The following SHANK2 variants were observed in gnomAD, a reference collection of about 807,000 sequenced individuals.
SHANK2 encodes the protein SH3 and multiple ankyrin repeat domains 2.
A neutral mutation model predicts 133.7 loss-of-function variants in SHANK2; 43 were observed. The ratio of observed to expected loss-of-function variants is 0.32; its 90% CI spans 0.25 to 0.41. The LOEUF (loss-of-function observed/expected upper bound fraction) is 0.41. Ranked by LOEUF, SHANK2 falls within the 10% of genes least tolerant of loss-of-function variation. The pLI, the probability that SHANK2 is intolerant of heterozygous loss-of-function variation, is 1.00. For synonymous variants in SHANK2, 1,017 were observed against 952.8 expected (o/e 1.07, Z -1.24); for missense variants, 1,994 against 2,235.8 (o/e 0.89, Z 2.18).
At position 70,829,276 on chromosome 11, in the gene SHANK2, C is replaced by T. The variant is rs539474156; in HGVS notation, c.1175-8594G>A. 1.1e-4 allele frequency among the ~76,000 whole-genome samples: 16 copies of T among 152,302 alleles called. No homozygotes were observed. In the South Asian group the frequency reaches 2.5e-3, roughly 24 times the overall value. ...CAGAGAAAAACCCAGAACCTCTGGA[C>T]GGGAGCCACGCAGCAGCACTCACAG... On this transcript the variant is annotated intron_variant, in intron 11 of 25. Transcript: ENST00000601538.
chr11:71,151,751 C>T (rs12289383), intron 2 of SHANK2, among the ~76,000 whole-genome samples: 47,963 of 152,098 alleles, frequency 0.32, 9,064 homozygotes, highest in African/African-American at 0.52. Context: ...TGGTTCTGCC[C>T]CAGCTCAGGT....
chr11:71,237,998 G>A (rs1228224214), intron 1 of SHANK2, among the ~76,000 whole-genome samples: 2 of 152,218 alleles, frequency 1.3e-5, no homozygotes, highest in Admixed American at 1.3e-4. Flanking sequence ...GTGACACACA[G>A]ACTCACCTCT....
chr11:70,562,160 C>T (rs2059914876), intron 17 of SHANK2, among the ~76,000 whole-genome samples: 1 of 152,212 alleles, frequency 6.6e-6, no homozygotes, highest in South Asian at 2.1e-4. Context: ...TTAGAGCTCA[C>T]ATCTGTATGA....
At chr11:70,573,999 C>T (rs1554983728) in intron 17 of SHANK2, among the ~76,000 whole-genome samples, 2 of 152,192 alleles carry the variant, frequency 1.3e-5, no homozygotes, top group African/African-American at 4.8e-5. Flanking sequence ...ACCTGGCCCC[C>T]AGCCCGGGTC....
chr11:70,815,175 A>AACACACACAC (rs61610592), intron 12 of SHANK2, among the ~76,000 whole-genome samples: 110 of 119,702 alleles, frequency 9.2e-4, no homozygotes, highest in South Asian at 2.4e-3. Context: ...TGGGAGAAGA[A>AACACACACAC]ACACACACAC....
Position 70,613,068 on chromosome 11 carries a change from C to T in SHANK2, c.2061+46760G>A, listed in dbSNP as rs191051427. 4.9e-4 allele frequency among the ~76,000 whole-genome samples: 75 copies of T among 152,278 alleles called. No individual in the cohort carries two copies. The East Asian group carries it at 7.0e-3, about 14-fold the overall frequency. Reference sequence around the variant, plus strand: ...CTTCTCGTGTGTGTCTCCTGGCCCACGTGGGAGAATGTGTCAGGGGTGTGT... The same window carrying T: ...CTTCTCGTGTGTGTCTCCTGGCCCATGTGGGAGAATGTGTCAGGGGTGTGT... On this transcript the variant is annotated intron_variant, in intron 17 of 25. Coordinates refer to ENST00000601538, the MANE Select transcript of SHANK2 (RefSeq NM_012309.5).
At chr11:71,072,507 G>C (rs1951156924) in intron 9 of SHANK2, among the ~76,000 whole-genome samples, 1 of 152,166 alleles carries the variant, frequency 6.6e-6, no homozygotes, top group Non-Finnish European at 1.5e-5. Context: ...AAGATGATTT[G>C]CTTTTTCACA....
At chr11:70,683,442 A>C (rs1178651065) in intron 15 of SHANK2, among the ~76,000 whole-genome samples, 1 of 152,128 alleles carries the variant, frequency 6.6e-6, no homozygotes, top group East Asian at 1.9e-4. Flanking sequence ...CCTTCTACCG[A>C]TGGTGCATCT....
At chr11:70,673,535 C>T (rs1242089971) in intron 15 of SHANK2, among the ~76,000 whole-genome samples, 1 of 152,188 alleles carries the variant, frequency 6.6e-6, no homozygotes, top group Non-Finnish European at 1.5e-5. Context: ...GTAGATGGCC[C>T]CACAGCTACA....
At position 70,486,382 on chromosome 11, in the gene SHANK2, T is replaced by A; in HGVS notation, c.3911A>T (p.Asp1304Val). ...DKKNMLIDIM[D>V]TSQQKSAGLL... is the part of the protein sequence containing the mutation. ...GCCAGCCGACTTCTGCTGGGACGTG[T>A]CCATGATGTCGATCAGCATGTTCTT... Residue 1304 changes from aspartate (D) to valine (V), a missense_variant, in exon 25 of 26, where the codon GAC (aspartate) becomes GTC (valine). Transcript: ENST00000601538. The surrounding 1 kb of genome is among the most constrained non-coding windows in gnomAD (Gnocchi z 8.0). 2 of 1,613,982 alleles carry A rather than the reference T, an allele frequency of 1.2e-6. No individual in the cohort carries two copies. The highest frequency in any genetic ancestry group is 1.7e-6 in the Non-Finnish European group (2 of 1,180,014).
At position 71,218,635 on chromosome 11, in the gene SHANK2, G is replaced by A. The variant is rs546442794; in HGVS notation, c.-13+6062C>T. Among the ~76,000 whole-genome samples, 12 of 152,118 alleles carry A rather than the reference G, an allele frequency of 7.9e-5. No individual in the cohort carries two copies. The South Asian group carries it at 1.2e-3, about 16-fold the overall frequency. On this transcript the variant is annotated intron_variant, in intron 2 of 25. Transcript: ENST00000601538. Reference sequence around the variant, plus strand: ...GAGGGCAGGGTATGGAACCTTCATCGCTACCTTCTCACCACCCAGCTGTCC... The same window carrying A: ...GAGGGCAGGGTATGGAACCTTCATCACTACCTTCTCACCACCCAGCTGTCC...
chr11:70,485,753 A>G lies in SHANK2; in HGVS notation c.4540T>C (p.Ser1514Pro). The G allele has an allele frequency of 6.2e-7, 1 of 1,613,978 alleles. No homozygotes were observed. Among genetic ancestry groups the G allele is most frequent in the Non-Finnish European group, 8.5e-7 (1 of 1,180,010 alleles). The change falls in exon 25 of 26, where the codon TCT (serine) becomes CCT (proline). Residue 1514 changes from serine to proline, a missense_variant. Transcript: ENST00000601538. The surrounding 1 kb of genome is among the most constrained non-coding windows in gnomAD (Gnocchi z 5.8). ...LETTSTISTV[S>P]SISTLSSEGG... ...TCGGAAGACAGGGTGGAGATGCTAG[A>G]CACGGTGGAGATAGTGCTGGTCGTC... is the stretch of plus-strand genomic sequence containing the variant.
chr11:71,206,431 C>T (rs1187942393), intron 2 of SHANK2, among the ~76,000 whole-genome samples: 1 of 152,190 alleles, frequency 6.6e-6, no homozygotes, highest in African/African-American at 2.4e-5. Context: ...AACTGCCACT[C>T]AGAGTGTCAG....
chr11:71,155,421 G>A (rs1275789425), intron 2 of SHANK2, among the ~76,000 whole-genome samples: 2 of 148,006 alleles, frequency 1.4e-5, no homozygotes, highest in African/African-American at 5.0e-5. Context: ...AAGAGGGATG[G>A]ACCTACCCCC....
At chr11:70,706,292 T>C (rs10501403) in intron 14 of SHANK2, among the ~76,000 whole-genome samples, 54,147 of 152,164 alleles carry the variant, frequency 0.36, 10,599 homozygotes, top group Non-Finnish European at 0.45. Flanking sequence ...CACAGCCTGG[T>C]GCATAGCGGG....
At chr11:71,065,333 G>A (rs1375566583) in intron 9 of SHANK2, among the ~76,000 whole-genome samples, 3 of 150,564 alleles carry the variant, frequency 2.0e-5, no homozygotes, top group Admixed American at 6.6e-5. Context: ...GAGATGAGCA[G>A]TGAGTGGGGA....
chr11:70,713,452 A>G (rs560937911), intron 14 of SHANK2, among the ~76,000 whole-genome samples: 1 of 152,370 alleles, frequency 6.6e-6, no homozygotes, highest in Admixed American at 6.5e-5. Context: ...CCCCCGTAGC[A>G]GCAGGGCTTG....
At chr11:70,581,512 G>A (rs561276527) in intron 17 of SHANK2, among the ~76,000 whole-genome samples, 3 of 152,218 alleles carry the variant, frequency 2.0e-5, no homozygotes, top group African/African-American at 7.2e-5. Context: ...CCAATATGGC[G>A]AAACCCCATC....
At chr11:70,725,362 G>A (rs782168160) in intron 14 of SHANK2, among the ~76,000 whole-genome samples, 12 of 152,328 alleles carry the variant, frequency 7.9e-5, no homozygotes, top group Middle Eastern at 6.8e-3. Context: ...AAAGCTGAGC[G>A]TGGCAGGAGG....
Sources: allele counts gnomAD v4.1 joint callset (sites outside exome capture counted in the v4.1 genomes callset), GRCh38; gene constraint gnomAD v4.1.1; non-coding constraint Gnocchi (gnomAD v3.1); transcripts MANE v1.5; gene names NCBI Gene and HGNC (gene_info 2026-07-23, HGNC 2026-07-21).